The following EXOC3 variants were observed in gnomAD, a reference collection of about 807,000 sequenced individuals.
EXOC3 encodes SEC6-like 1.
A neutral mutation model predicts 73.7 loss-of-function variants in EXOC3; 21 were observed. That is an observed-to-expected ratio of 0.29 (90% confidence interval 0.20 to 0.41). The LOEUF is 0.41. EXOC3 is among the 10% of genes least tolerant of loss of function. The pLI, the probability that EXOC3 is intolerant of heterozygous loss-of-function variation, is 1.00. For missense variants in EXOC3, 842 were observed against 985.1 expected (o/e 0.85, Z 1.95); for synonymous variants, 410 against 389.1 (o/e 1.05, Z -0.63).
At chr5:462,397 G>C in intron 9 of EXOC3, 90 bp downstream of exon 9, 1 of 1,445,096 alleles carries the variant, frequency 6.9e-7, no homozygotes, top group Non-Finnish European at 9.7e-7. Flanking sequence ...GAACTGTACC[G>C]TGCGGATGCC....
rs572266848 is a variant in EXOC3, at chr5:454,118, G to T, written c.1046+67G>T. On this transcript the variant is annotated intron_variant, in intron 4 of 12. Coordinates refer to ENST00000512944, the MANE Select transcript of EXOC3 (RefSeq NM_007277.5). ...CCGTGTGTGAGAGGGGCCTGCAGCT[G>T]CTTGCTGGAGAGCCGACCTCAGGGT... The T allele has an allele frequency of 5.9e-5, 79 of 1,349,122 alleles. 1 individual carries two copies. In the South Asian group the frequency reaches 1.0e-3, roughly 18 times the overall value. The allele number at this position is 1,349,122 out of a possible 1,614,324, so 83.6% of individuals were successfully genotyped here.
intron 7 of EXOC3, among the ~76,000 whole-genome samples, chr5:460,061 G>A (rs558442217): frequency 2.3e-3 from 352 of 152,370 alleles, no homozygotes; most frequent in African/African-American, 8.1e-3. Flanking sequence ...CCCGGGCGCT[G>A]TGGCATGGTA....
intron 9 of EXOC3, among the ~76,000 whole-genome samples, chr5:463,674 T>C (rs573282831): frequency 1.3e-5 from 2 of 152,152 alleles, no homozygotes; most frequent in African/African-American, 4.8e-5. Flanking sequence ...TTGTATACTT[T>C]TATTGGAGTT....
intron 6 of EXOC3, 97 bp from the exon 7 acceptor site, chr5:459,262 C>A (rs148041149): frequency 1.3e-4 from 61 of 459,874 alleles, no homozygotes; most frequent in African/African-American, 1.2e-3. Flanking sequence ...ATCCTAAATG[C>A]CAGTTAGCAG....
At chr5:455,260 A>G (rs1737776246) in intron 4 of EXOC3, among the ~76,000 whole-genome samples, 1 of 152,226 alleles carries the variant, frequency 6.6e-6, no homozygotes, top group African/African-American at 2.4e-5. Flanking sequence ...CTCCCGGGCC[A>G]TGGCCACTAG....
At position 447,656 on chromosome 5, in the gene EXOC3, A is replaced by G; in HGVS notation, c.268A>G (p.Ile90Val). The G allele has an allele frequency of 6.3e-7, 1 of 1,588,864 alleles. No homozygotes were observed. Among genetic ancestry groups the G allele is most frequent in the Non-Finnish European group, 8.6e-7 (1 of 1,167,600 alleles). Residue 90 changes from isoleucine (I) to valine (V), a missense_variant, in exon 3 of 13, where the codon ATC (isoleucine) becomes GTC (valine). Coordinates refer to ENST00000512944, the MANE Select transcript of EXOC3 (RefSeq NM_007277.5). Reference sequence around the variant, plus strand: ...CGTCAGCAAGGACTGGAGGCAGAGCATCAACACCATTGAGAGCCTCAAGGA... The same window carrying G: ...CGTCAGCAAGGACTGGAGGCAGAGCGTCAACACCATTGAGAGCCTCAAGGA... The part of the protein sequence containing the change: ...ADVSKDWRQS[I>V]NTIESLKDVK...
rs1233956382 is a variant in EXOC3 at position 443,214 on chromosome 5, C to T, written c.-133C>T. 7 of 152,628 alleles carry T rather than the reference C, an allele frequency of 4.6e-5. No individual in the cohort carries two copies. In the South Asian group the frequency reaches 1.2e-3, roughly 26 times the overall value. 9.5% of individuals were successfully genotyped at this position (152,628 alleles called of 1,614,324 possible). A position where few individuals can be genotyped will look rare whatever the true frequency, so the allele number is the denominator to read the frequency against. ...ACCCCGGAGGCGGAGGCAGCGAAGG[C>T]GGAGGGGGCGGCGGGGGCGGCGGCG... On this transcript the variant is annotated 5_prime_UTR_variant, in exon 1 of 13. Coordinates refer to ENST00000512944, the MANE Select transcript of EXOC3 (RefSeq NM_007277.5).
chr5:465,019 G>T (rs1738098643), intron 10 of EXOC3, 92 bp from the exon 11 acceptor site: 1 of 1,349,292 alleles, frequency 7.4e-7, no homozygotes, highest in East Asian at 2.5e-5. Flanking sequence ...AGCCTCCGGG[G>T]AGCCACCGGG....
Position 465,248 on chromosome 5 carries a change from C to G in EXOC3, c.1914C>G (p.Arg638=), listed in dbSNP as rs759520085. The G allele has an allele frequency of 1.3e-5, 21 of 1,589,346 alleles. No homozygotes were observed. Among genetic ancestry groups the G allele is most frequent in the Admixed American group, 1.8e-5 (1 of 56,208 alleles). The change falls in exon 11 of 13, where the codon CGC becomes CGG. Residue 638 remains arginine (R), a synonymous_variant. Coordinates refer to ENST00000512944, the MANE Select transcript of EXOC3 (RefSeq NM_007277.5). ...EKMVREAEQL[R]FLFRKLASGF... is the part of the protein sequence containing the mutation. ...TGGTTAGGGAGGCAGAGCAGCTGCG[C>G]TTCCTGTTCCGGAAGCTGGCGTCCG...
In EXOC3 at chr5:464,388, C is replaced by G. The variant is rs1466376885; in HGVS notation, c.1752C>G (p.Ala584=). 3 of 1,613,728 alleles carry G rather than the reference C, an allele frequency of 1.9e-6. No individual in the cohort carries two copies. The highest frequency in any genetic ancestry group is 2.5e-6 in the Non-Finnish European group (3 of 1,179,746). ...TGGAAGACTATTTCAACGATTTTGC[C>G]AAAATTAAAAAGCCGTATAAGAAGG... The part of the protein sequence containing the change: ...VTVEDYFNDF[A]KIKKPYKKRM... The change falls in exon 10 of 13, where the codon GCC becomes GCG. Residue 584 remains alanine, a synonymous_variant. Coordinates refer to ENST00000512944, the MANE Select transcript of EXOC3 (RefSeq NM_007277.5).
Position 466,912 on chromosome 5 carries a change from G to T in EXOC3, c.*14G>T, listed in dbSNP as rs1404534489. 4 of 1,579,916 alleles carry T rather than the reference G, an allele frequency of 2.5e-6. No homozygotes were observed. In the South Asian group the frequency reaches 3.5e-5, roughly 14 times the overall value. ...CTGCTCAAGTAGCCTCCGCCGGCCT[G>T]CCCTGCTCGCCCCTCCACAGCCTCG... On this transcript the variant is annotated 3_prime_UTR_variant, in exon 13 of 13. Coordinates refer to ENST00000512944, the MANE Select transcript of EXOC3 (RefSeq NM_007277.5).
intron 9 of EXOC3, among the ~76,000 whole-genome samples, chr5:462,777 G>C (rs1372146659): frequency 6.6e-6 from 1 of 152,224 alleles, no homozygotes; most frequent in Non-Finnish European, 1.5e-5. Context: ...ACATTATTTA[G>C]AGGTATTGGC....
At chr5:465,675 G>A (rs375185130) in intron 11 of EXOC3, 43 bp from the exon 12 acceptor site, 467 of 1,611,810 alleles carry the variant, frequency 2.9e-4, no homozygotes, top group South Asian at 1.4e-3. Flanking sequence ...CCAGCGCCGC[G>A]GGACAGCCGA....
intron 5 of EXOC3, 174 bp from the exon 6 acceptor site, chr5:457,726 C>T: frequency 1.6e-6 from 1 of 621,144 alleles, no homozygotes; most frequent in Non-Finnish European, 2.7e-6. Context: ...GTCACTGCCT[C>T]CCATGGGGGT....
intron 4 of EXOC3, among the ~76,000 whole-genome samples, chr5:456,459 A>G (rs892633861): frequency 6.6e-6 from 1 of 151,982 alleles, no homozygotes; most frequent in Non-Finnish European, 1.5e-5. Flanking sequence ...CCTGTTTGCC[A>G]GGCCCTGCCT....
chr5:447,309 C>G, intron 2 of EXOC3: 1 of 525,352 alleles, frequency 1.9e-6, no homozygotes. Context: ...CTCATCAAGG[C>G]TTTAAAATGC....
intron 1 of EXOC3, among the ~76,000 whole-genome samples, chr5:445,352 T>C (rs1299666806): frequency 5.2e-5 from 3 of 58,186 alleles, no homozygotes; most frequent in East Asian, 2.7e-4. Context: ...TCTTTTTTTT[T>C]CTTTTTTTTT....
rs1319571780 is a variant in EXOC3, at chr5:453,887, A to G, written c.882A>G (p.Lys294=). The G allele has an allele frequency of 6.2e-7, 1 of 1,613,940 alleles. No homozygotes were observed. The highest frequency in any genetic ancestry group is 8.5e-7 in the Non-Finnish European group (1 of 1,179,896). Residue 294 remains lysine, a synonymous_variant, in exon 4 of 13, where the codon AAA becomes AAG. Transcript: ENST00000512944. ...TCCTGGATGACCTCATTGTCGCCAA[A>G]AACCTGATGGTTCAGTGCTTTCCTC... The part of the protein sequence containing the change: ...KYVLDDLIVA[K]NLMVQCFPPH...
Position 464,300 on chromosome 5 carries a change from ATGAAT to A in EXOC3, c.1668_1672del (p.Glu556AspfsTer30). The A allele has an allele frequency of 6.2e-7, 1 of 1,613,524 alleles. No individual in the cohort carries two copies. ...GTTTCTGCTTTTCAGCAACATCTGA[ATGAAT>A]TGATGACGAAGAAGTGGCTATTAGG... On this transcript the variant is annotated frameshift_variant, in exon 10 of 13. Coordinates refer to ENST00000512944, the MANE Select transcript of EXOC3 (RefSeq NM_007277.5). LOFTEE classifies it high-confidence loss of function.
Sources: gnomAD v4.1 joint callset for allele counts (sites outside exome capture counted in the v4.1 genomes callset) on GRCh38, gnomAD v4.1.1 for gene constraint, MANE v1.5 for transcripts, NCBI Gene and HGNC (gene_info 2026-07-23, HGNC 2026-07-21) for gene names.